SPMIP3: variants seen among roughly 807,000 people sequenced by gnomAD.
SPMIP3 encodes the protein sperm microtubule inner protein 3.
the SPMIP3 span, among the ~76,000 whole-genome samples, chr1:244,358,082 TAGTC>T: frequency 1.5e-4 from 23 of 151,132 alleles, no homozygotes; most frequent in Non-Finnish European, 1.5e-4. Flanking sequence ...TAAAAAAAAT[TAGTC>T]AGGCATGGTG....
At chr1:244,355,544 C>T in the SPMIP3 span, among the ~76,000 whole-genome samples, 2 of 151,978 alleles carry the variant, frequency 1.3e-5, no homozygotes, top group Non-Finnish European at 2.9e-5. Context: ...AGCGCCACCA[C>T]GCCTGGCTAA....
the SPMIP3 span, among the ~76,000 whole-genome samples, chr1:244,358,400 A>G: frequency 6.6e-6 from 1 of 152,058 alleles, no homozygotes; most frequent in Non-Finnish European, 1.5e-5. Context: ...CCTGGCCAAC[A>G]TGGAGAAATC....
chr1:244,367,287 A>G, the SPMIP3 span, among the ~76,000 whole-genome samples: 1 of 152,118 alleles, frequency 6.6e-6, no homozygotes, highest in African/African-American at 2.4e-5. Flanking sequence ...GGTTTTATGC[A>G]ATGGAGGGCC....
chr1:244,385,579 C>T, the SPMIP3 span, among the ~76,000 whole-genome samples: 1 of 152,176 alleles, frequency 6.6e-6, no homozygotes, highest in Non-Finnish European at 1.5e-5. Context: ...AACAGCGTGG[C>T]CCTTAGGCTC....
chr1:244,388,327 TC>T, the SPMIP3 span, among the ~76,000 whole-genome samples: 1 of 152,166 alleles, frequency 6.6e-6, no homozygotes, highest in African/African-American at 2.4e-5. Context: ...ATTCCTTAGG[TC>T]AGTTGTGAAA....
chr1:244,378,361 C>T, the SPMIP3 span: 7,111 of 1,155,594 alleles, frequency 6.2e-3, 32 homozygotes, highest in Non-Finnish European at 7.4e-3. Flanking sequence ...TGTCAATACT[C>T]TCTGTTAGCC....
chr1:244,378,720 T>A, the SPMIP3 span: 1 of 1,434,260 alleles, frequency 7.0e-7, no homozygotes, highest in Non-Finnish European at 9.5e-7. Flanking sequence ...AGGCTTGCTG[T>A]CTCAGGGAGC....
chr1:244,380,986 G>A, the SPMIP3 span, among the ~76,000 whole-genome samples: 30 of 152,110 alleles, frequency 2.0e-4, no homozygotes, highest in African/African-American at 5.5e-4. Flanking sequence ...TGATCACGGC[G>A]GGAGCTGAGG....
chr1:244,373,167 G>A, the SPMIP3 span, among the ~76,000 whole-genome samples: 15 of 151,556 alleles, frequency 9.9e-5, no homozygotes, highest in South Asian at 2.5e-3. Flanking sequence ...AATCACTTGA[G>A]CCCAGGAGTT....
chr1:244,389,124 A>T, the SPMIP3 span: 1 of 1,313,516 alleles, frequency 7.6e-7, no homozygotes, highest in African/African-American at 1.5e-5. Context: ...CTTTTAGACT[A>T]AGTTAATGGC....
At chr1:244,375,554 T>C in the SPMIP3 span, 1 of 939,812 alleles carries the variant, frequency 1.1e-6, no homozygotes, top group Non-Finnish European at 1.7e-6. Context: ...GATACACTAC[T>C]CCTCATAATA....
chr1:244,361,691 C>A, the SPMIP3 span, among the ~76,000 whole-genome samples: 1 of 152,164 alleles, frequency 6.6e-6, no homozygotes, highest in Non-Finnish European at 1.5e-5. Context: ...ATACATACAT[C>A]TCTTATATAT....
At chr1:244,374,564 C>T in the SPMIP3 span, among the ~76,000 whole-genome samples, 38 of 150,088 alleles carry the variant, frequency 2.5e-4, 1 homozygote, top group Admixed American at 2.1e-3. Context: ...CAGAGCCCTC[C>T]GTTTACGGAT....
chr1:244,358,317 C>T, the SPMIP3 span, among the ~76,000 whole-genome samples: 7 of 151,994 alleles, frequency 4.6e-5, no homozygotes, highest in Admixed American at 2.6e-4. Flanking sequence ...GGCATAATGG[C>T]TCACACCTGT....
the SPMIP3 span, among the ~76,000 whole-genome samples, chr1:244,378,296 C>T: frequency 6.6e-5 from 10 of 152,240 alleles, no homozygotes; most frequent in East Asian, 1.9e-3. Context: ...GAACAGAAGT[C>T]CCTGAACCAT....
the SPMIP3 span, among the ~76,000 whole-genome samples, chr1:244,354,595 A>T: frequency 1.3e-5 from 2 of 152,196 alleles, no homozygotes; most frequent in Non-Finnish European, 2.9e-5. Context: ...TCCTGACCTC[A>T]AGTGATCCGC....
the SPMIP3 span, among the ~76,000 whole-genome samples, chr1:244,379,355 C>T: frequency 2.0e-5 from 3 of 152,036 alleles, no homozygotes; most frequent in African/African-American, 7.2e-5. Flanking sequence ...GCATAAGCCA[C>T]TGCACCCAGC....
the SPMIP3 span, among the ~76,000 whole-genome samples, chr1:244,385,026 C>T: frequency 6.6e-6 from 1 of 152,020 alleles, no homozygotes; most frequent in Non-Finnish European, 1.5e-5. Flanking sequence ...CTCAGCCTCC[C>T]GAGTAGCTGG....
chr1:244,387,963 T>C, the SPMIP3 span, among the ~76,000 whole-genome samples: 1 of 152,014 alleles, frequency 6.6e-6, no homozygotes, highest in African/African-American at 2.4e-5. Context: ...GTTTCACTCT[T>C]GTTGCCCAGG....
Sources: gnomAD v4.1 joint callset for allele counts (sites outside exome capture counted in the v4.1 genomes callset) on GRCh38, gnomAD v4.1.1 for gene constraint, MANE v1.5 for transcripts, NCBI Gene and HGNC (gene_info 2026-07-23, HGNC 2026-07-21) for gene names.